The following THSD7A variants were observed in gnomAD, a reference collection of about 807,000 sequenced individuals.
THSD7A encodes thrombospondin type 1 domain containing 7A.
In THSD7A, 96 loss-of-function variants were observed where a neutral mutation model predicts 231.3. The ratio of observed to expected loss-of-function variants is 0.41; its 90% CI spans 0.35 to 0.49. THSD7A has a LOEUF of 0.49. Among genes scored for constraint, THSD7A ranks in the 20% least tolerant of loss-of-function variants. The pLI, the probability that THSD7A is intolerant of heterozygous loss-of-function variation, is 0.05. For synonymous variants in THSD7A, 940 were observed against 743.3 expected (o/e 1.26, Z -4.30); for missense variants, 2,290 against 2,070.2 (o/e 1.11, Z -2.06).
intron 1 of THSD7A, among the ~76,000 whole-genome samples, chr7:11,782,153 T>G (rs1783651928): frequency 1.3e-5 from 2 of 152,180 alleles, no homozygotes; most frequent in African/African-American, 2.4e-5. Flanking sequence ...CCGTATTTAT[T>G]CAACAAGTAG....
At chr7:11,780,391 TC>T (rs1783585534) in intron 1 of THSD7A, among the ~76,000 whole-genome samples, 1 of 152,184 alleles carries the variant, frequency 6.6e-6, no homozygotes, top group Non-Finnish European at 1.5e-5. Flanking sequence ...GATCATAAGC[TC>T]TAGTCTTGCT....
At chr7:11,579,425 T>A (rs1014065278) in intron 4 of THSD7A, among the ~76,000 whole-genome samples, 2 of 152,144 alleles carry the variant, frequency 1.3e-5, no homozygotes, top group Non-Finnish European at 2.9e-5. Flanking sequence ...ATTTCAAAAT[T>A]CCTCCTGGCG....
intron 4 of THSD7A, among the ~76,000 whole-genome samples, chr7:11,564,699 T>A (rs1332400032): frequency 2.0e-5 from 3 of 152,120 alleles, no homozygotes; most frequent in African/African-American, 7.2e-5. Context: ...CACTGGCCAT[T>A]TTAGGGAATT....
At chr7:11,484,409 T>G (rs953092736) in intron 6 of THSD7A, among the ~76,000 whole-genome samples, 2 of 152,182 alleles carry the variant, frequency 1.3e-5, no homozygotes, top group Admixed American at 1.3e-4. Context: ...ATCCTGTTTT[T>G]CAACATTCAG....
At chr7:11,532,366 T>C (rs1478724619) in intron 6 of THSD7A, among the ~76,000 whole-genome samples, 4 of 152,138 alleles carry the variant, frequency 2.6e-5, no homozygotes, top group Non-Finnish European at 5.9e-5. Context: ...TAGAATTTAA[T>C]ATGTAGCAAT....
chr7:11,572,395 CAG>C (rs1464557293), intron 4 of THSD7A, among the ~76,000 whole-genome samples: 1 of 152,182 alleles, frequency 6.6e-6, no homozygotes, highest in East Asian at 1.9e-4. Context: ...GTTTTTATTG[CAG>C]AGTTTGTACA....
At chr7:11,586,288 G>A (rs1779900961) in intron 4 of THSD7A, among the ~76,000 whole-genome samples, 1 of 151,668 alleles carries the variant, frequency 6.6e-6, no homozygotes, top group Non-Finnish European at 1.5e-5. Context: ...ACATAATGGT[G>A]TTATAGAAAG....
chr7:11,598,797 C>T (rs561424041), intron 2 of THSD7A, among the ~76,000 whole-genome samples: 2 of 152,266 alleles, frequency 1.3e-5, no homozygotes, highest in South Asian at 4.1e-4. Context: ...AAAATTTTTG[C>T]TTCCTGTTCC....
intron 4 of THSD7A, among the ~76,000 whole-genome samples, chr7:11,562,562 T>C (rs1419343701): frequency 6.6e-6 from 1 of 152,170 alleles, no homozygotes; most frequent in Non-Finnish European, 1.5e-5. Context: ...ACTTATTTGA[T>C]TGCTAATTCA....
chr7:11,437,053 A>G (rs966367961), intron 13 of THSD7A, among the ~76,000 whole-genome samples: 1 of 152,100 alleles, frequency 6.6e-6, no homozygotes, highest in Non-Finnish European at 1.5e-5. Flanking sequence ...ATTTTAAGCA[A>G]TAGAACACTT....
chr7:11,646,487 G>A (rs1311635425), intron 1 of THSD7A, among the ~76,000 whole-genome samples: 1 of 151,990 alleles, frequency 6.6e-6, no homozygotes, highest in African/African-American at 2.4e-5. Flanking sequence ...ATATGTTTGT[G>A]AGTGTTTAAA....
chr7:11,595,269 G>T (rs1419134360), intron 2 of THSD7A, among the ~76,000 whole-genome samples: 1 of 152,146 alleles, frequency 6.6e-6, no homozygotes, highest in Non-Finnish European at 1.5e-5. Flanking sequence ...GAGGAGGTGT[G>T]CTACACTTGA....
At chr7:11,592,867 T>A (rs571323936) in intron 3 of THSD7A, among the ~76,000 whole-genome samples, 10 of 152,260 alleles carry the variant, frequency 6.6e-5, no homozygotes, top group South Asian at 2.1e-4. Context: ...ACCTTTTTTT[T>A]TATATAAATA....
Position 11,428,942 on chromosome 7 carries a change from A to C in THSD7A, c.3243+5T>G, listed in dbSNP as rs1784401085. The C allele has an allele frequency of 6.2e-7, 1 of 1,600,780 alleles. No individual in the cohort carries two copies. The highest frequency in any genetic ancestry group is 8.5e-7 in the Non-Finnish European group (1 of 1,175,268). On this transcript the variant is annotated splice_donor_5th_base_variant and intron_variant, in intron 14 of 27. Transcript: ENST00000423059. ...TATCTTAACACTGTCAATGATAGAA[A>C]ATACCTGGTTGACATGGTCCAGTTT...
chr7:11,398,878 A>G (rs909922429), intron 23 of THSD7A, among the ~76,000 whole-genome samples: 7 of 152,190 alleles, frequency 4.6e-5, no homozygotes, highest in Non-Finnish European at 1.0e-4. Context: ...TGTGGACTTA[A>G]AGAGTAAAAA....
intron 1 of THSD7A, among the ~76,000 whole-genome samples, chr7:11,644,847 T>G (rs1006810776): frequency 1.3e-5 from 2 of 151,992 alleles, no homozygotes; most frequent in African/African-American, 4.8e-5. Context: ...ACCCATAAGC[T>G]AAGTACCAAT....
intron 1 of THSD7A, among the ~76,000 whole-genome samples, chr7:11,812,800 A>G (rs1215619000): frequency 6.6e-6 from 1 of 152,172 alleles, no homozygotes; most frequent in African/African-American, 2.4e-5. Flanking sequence ...ATTTTTAGGT[A>G]TATCATAACA....
intron 11 of THSD7A, among the ~76,000 whole-genome samples, chr7:11,449,433 T>A (rs1004418254): frequency 2.0e-5 from 3 of 151,994 alleles, no homozygotes; most frequent in Admixed American, 1.3e-4. Flanking sequence ...CCCACCAGCT[T>A]GAGTATTCAA....
chr7:11,685,556 C>G (rs939412645), intron 1 of THSD7A, among the ~76,000 whole-genome samples: 1 of 151,760 alleles, frequency 6.6e-6, no homozygotes, highest in African/African-American at 2.4e-5. Context: ...ATAAAGTAGG[C>G]AAAAGCCATA....
Sources: allele counts gnomAD v4.1 joint callset (sites outside exome capture counted in the v4.1 genomes callset), GRCh38; gene constraint gnomAD v4.1.1; transcripts MANE v1.5; gene names NCBI Gene and HGNC (gene_info 2026-07-23, HGNC 2026-07-21).